TNR: variants seen among roughly 807,000 people sequenced by gnomAD.
TNR encodes tenascin-R.
In TNR, 45 loss-of-function variants were observed where a neutral mutation model predicts 150.4. The ratio of observed to expected loss-of-function variants is 0.30; its 90% CI spans 0.24 to 0.38. The LOEUF is 0.38. Among genes scored for constraint, TNR ranks in the 10% least tolerant of loss-of-function variants. The pLI is 1.00. For synonymous variants in TNR, 687 were observed against 678.4 expected (o/e 1.01, Z -0.20); for missense variants, 1,544 against 1,759.1 (o/e 0.88, Z 2.19).
At chr1:175,458,310 AT>A (rs1312214230) in intron 2 of TNR, among the ~76,000 whole-genome samples, 4 of 152,170 alleles carry the variant, frequency 2.6e-5, no homozygotes, top group African/African-American at 9.7e-5. Context: ...AGCACCATAG[AT>A]TTACTCATCA....
intron 1 of TNR, among the ~76,000 whole-genome samples, chr1:175,706,830 C>T (rs1163890160): frequency 6.6e-6 from 1 of 152,086 alleles, no homozygotes; most frequent in Non-Finnish European, 1.5e-5. Flanking sequence ...CCAAAAAAAC[C>T]CTTCCAAGTA....
intron 1 of TNR, among the ~76,000 whole-genome samples, chr1:175,559,969 G>C (rs1661357378): frequency 6.6e-6 from 1 of 152,258 alleles, no homozygotes; most frequent in African/African-American, 2.4e-5. Flanking sequence ...AGGGAAATGA[G>C]ATGATTGCCT....
intron 1 of TNR, among the ~76,000 whole-genome samples, chr1:175,584,453 G>A (rs1330965905): frequency 6.6e-6 from 1 of 152,164 alleles, no homozygotes; most frequent in African/African-American, 2.4e-5. Context: ...TGGACTTCTG[G>A]CTTGCAGAAC....
At chr1:175,677,028 G>A (rs767834273) in intron 1 of TNR, among the ~76,000 whole-genome samples, 1 of 152,216 alleles carries the variant, frequency 6.6e-6, no homozygotes, top group African/African-American at 2.4e-5. Flanking sequence ...AGAAGTAGCC[G>A]AGATAGGATT....
At position 175,619,960 on chromosome 1, in the gene TNR, T is replaced by G. The variant is rs554982349; in HGVS notation, c.-164-91591A>C. Reference sequence around the variant, plus strand: ...GGCCTCTTGTGTAAATCACTGAAACTTACCCATCTATAAAATGGGATTAAT... The same window carrying G: ...GGCCTCTTGTGTAAATCACTGAAACGTACCCATCTATAAAATGGGATTAAT... On this transcript the variant is annotated intron_variant, in intron 1 of 22. Transcript: ENST00000367674. Among the ~76,000 whole-genome samples, 25 of 152,328 alleles carry G rather than the reference T, an allele frequency of 1.6e-4. No homozygotes were observed. The South Asian group carries it at 4.8e-3, about 29-fold the overall frequency.
At chr1:175,425,784 A>G (rs1654942990) in intron 2 of TNR, among the ~76,000 whole-genome samples, 1 of 152,138 alleles carries the variant, frequency 6.6e-6, no homozygotes, top group Non-Finnish European at 1.5e-5. Flanking sequence ...GCCTGGGAAC[A>G]TAGGGTCCAT....
chr1:175,458,188 A>G (rs1349089054), intron 2 of TNR, among the ~76,000 whole-genome samples: 1 of 152,252 alleles, frequency 6.6e-6, no homozygotes, highest in Non-Finnish European at 1.5e-5. Context: ...TAGTAGTAGC[A>G]GTAACTAAAT....
intron 20 of TNR, among the ~76,000 whole-genome samples, chr1:175,332,571 A>G (rs1261517487): frequency 6.6e-6 from 1 of 152,180 alleles, no homozygotes; most frequent in African/African-American, 2.4e-5. Flanking sequence ...TCTCCCTCTT[A>G]CCTACATCAT....
At position 175,443,411 on chromosome 1, in the gene TNR, C is replaced by T. The variant is rs143052132; in HGVS notation, c.-63-36634G>A. Among the ~76,000 whole-genome samples the T allele has an allele frequency of 1.9e-3, 291 of 152,264 alleles. 2 individuals are homozygous for T. Among genetic ancestry groups the T allele is most frequent in the African/African-American group, 6.7e-3 (279 of 41,564 alleles). ...GGATGCCCTACCTCTACTAACTGCT[C>T]ATGATACTTAGGTTATACCCCAGGC... On this transcript the variant is annotated intron_variant, in intron 2 of 22. Transcript: ENST00000367674.
At chr1:175,731,700 T>A (rs1667646007) in intron 1 of TNR, among the ~76,000 whole-genome samples, 1 of 152,208 alleles carries the variant, frequency 6.6e-6, no homozygotes, top group Non-Finnish European at 1.5e-5. Context: ...ACGCTTACCC[T>A]GCATCCTGCT....
intron 7 of TNR, 138 bp from the exon 8 acceptor site, chr1:175,386,439 G>A (rs1165409724): frequency 3.2e-6 from 3 of 939,422 alleles, no homozygotes; most frequent in Non-Finnish European, 4.5e-6. Context: ...TACAGATGAG[G>A]AAAATGAGAC....
chr1:175,614,437 T>A (rs1270357522), intron 1 of TNR, among the ~76,000 whole-genome samples: 1 of 152,190 alleles, frequency 6.6e-6, no homozygotes, highest in East Asian at 1.9e-4. Context: ...TTGGGAGGTA[T>A]GCCTAGCAGA....
intron 1 of TNR, among the ~76,000 whole-genome samples, chr1:175,657,739 G>A (rs1029100545): frequency 1.3e-4 from 16 of 124,260 alleles, no homozygotes; most frequent in African/African-American, 4.8e-4. Flanking sequence ...ATGGACACAG[G>A]AAGGGGAACA....
At chr1:175,465,444 T>C (rs1190309649) in intron 2 of TNR, among the ~76,000 whole-genome samples, 1 of 152,220 alleles carries the variant, frequency 6.6e-6, no homozygotes, top group African/African-American at 2.4e-5. Flanking sequence ...AGCATATTGA[T>C]CATAAAGCAG....
chr1:175,678,852 G>A (rs1665946046), intron 1 of TNR, among the ~76,000 whole-genome samples: 1 of 152,196 alleles, frequency 6.6e-6, no homozygotes, highest in African/African-American at 2.4e-5. Flanking sequence ...GAGAGACTAG[G>A]AGATATCCTT....
chr1:175,348,054 A>G (rs913735819), intron 18 of TNR, among the ~76,000 whole-genome samples: 5 of 152,218 alleles, frequency 3.3e-5, no homozygotes, highest in Admixed American at 3.3e-4. Context: ...AGAGTTCAGC[A>G]GGATTGCTAG....
intron 3 of TNR, among the ~76,000 whole-genome samples, chr1:175,404,994 G>T (rs1238383034): frequency 1.3e-5 from 2 of 152,162 alleles, no homozygotes; most frequent in Non-Finnish European, 2.9e-5. Context: ...AATGTGTCAG[G>T]TACCCCTCTA....
chr1:175,393,213 G>A (rs889677587), intron 6 of TNR, among the ~76,000 whole-genome samples: 3 of 152,118 alleles, frequency 2.0e-5, no homozygotes, highest in Non-Finnish European at 4.4e-5. Flanking sequence ...GGAATCTTAG[G>A]ATACTTTAAA....
In TNR at chr1:175,443,733, G is replaced by C. The variant is rs963540534; in HGVS notation, c.-63-36956C>G. Among the ~76,000 whole-genome samples, 3 of 152,124 alleles carry C rather than the reference G, an allele frequency of 2.0e-5. No individual in the cohort carries two copies. In the East Asian group the frequency reaches 5.8e-4, roughly 29 times the overall value. On this transcript the variant is annotated intron_variant, in intron 2 of 22. Coordinates refer to ENST00000367674, the MANE Select transcript of TNR (RefSeq NM_003285.3). ...GGAAGAAAGAGGAGGGAGGGTCCAT[G>C]AGAAAAGAAGATGATGAGTTAGTAA...
Sources: allele counts gnomAD v4.1 joint callset (sites outside exome capture counted in the v4.1 genomes callset), GRCh38; gene constraint gnomAD v4.1.1; transcripts MANE v1.5; gene names NCBI Gene and HGNC (gene_info 2026-07-23, HGNC 2026-07-21).